GABRG3: variants seen among roughly 807,000 people sequenced by gnomAD.
The protein encoded by GABRG3 is gamma-aminobutyric acid receptor subunit gamma-3.
In GABRG3, 25 loss-of-function variants were observed where a neutral mutation model predicts 48.8. The ratio of observed to expected loss-of-function variants is 0.51; its 90% confidence interval spans 0.37 to 0.72. GABRG3 has a LOEUF of 0.72. Among genes scored for constraint, GABRG3 ranks in the 30% least tolerant of loss-of-function variants. The pLI is 0.00. For missense variants in GABRG3, 394 were observed against 577.9 expected, an observed-to-expected ratio of 0.68 and a Z score of 3.26; for synonymous variants, 227 against 217.6, an observed-to-expected ratio of 1.04 and a Z score of -0.38.
chr15:27,327,854 T>C (rs1433511651), intron 4 of GABRG3, among the ~76,000 whole-genome samples: 1 of 152,158 alleles, frequency 6.6e-6, no homozygotes, highest in Non-Finnish European at 1.5e-5. Flanking sequence ...CTCTGCTCTT[T>C]CTGCCTCAGG....
chr15:27,498,788 G>A (rs1391516695), intron 6 of GABRG3, among the ~76,000 whole-genome samples: 1 of 151,992 alleles, frequency 6.6e-6, no homozygotes, highest in African/African-American at 2.4e-5. Flanking sequence ...TTACAGGTGT[G>A]AGCCACCACG....
chr15:27,130,488 A>G (rs1371754566), intron 3 of GABRG3, among the ~76,000 whole-genome samples: 1 of 151,970 alleles, frequency 6.6e-6, no homozygotes, highest in Non-Finnish European at 1.5e-5. Flanking sequence ...GAGACCCCCA[A>G]CTTTGTTCTT....
rs575044017 is a variant in GABRG3 at position 27,267,992 on chromosome 15, G to T, written c.271-58817G>T. On this transcript the variant is annotated intron_variant, in intron 3 of 9. Transcript: ENST00000615808. ...TATCCCCAGTGAGGTATATTGCTCT[G>T]TAGTTTTCTTTTCTTGCAATGTCAT... Among the ~76,000 whole-genome samples, 12 of 152,148 alleles carry T rather than the reference G, an allele frequency of 7.9e-5. 1 individual carries two copies. The East Asian group carries it at 1.5e-3, about 20-fold the overall frequency.
In GABRG3 at chr15:27,133,606, T is replaced by G. The variant is rs73371676; in HGVS notation, c.270+106785T>G. ...TATACTGACAAAAGGCTAGTTGCTCTGCTTCCAAGTATTTAATTTGCTTTC... is the reference window on the plus strand; with the variant it reads ...TATACTGACAAAAGGCTAGTTGCTCGGCTTCCAAGTATTTAATTTGCTTTC... On this transcript the variant is annotated intron_variant, in intron 3 of 9. Coordinates refer to ENST00000615808, the MANE Select transcript of GABRG3 (RefSeq NM_033223.5). Among the ~76,000 whole-genome samples the G allele has an allele frequency of 5.6e-3, 846 of 152,390 alleles. 10 individuals carry two copies. Among genetic ancestry groups the G allele is most frequent in the African/African-American group, 0.019 (795 of 41,598 alleles).
At chr15:27,254,825 G>GA (rs1489352994) in intron 3 of GABRG3, among the ~76,000 whole-genome samples, 2 of 152,120 alleles carry the variant, frequency 1.3e-5, no homozygotes, top group Non-Finnish European at 2.9e-5. Flanking sequence ...CAGTTGGGTA[G>GA]GCACAAAGTC....
chr15:27,335,217 T>G (rs73365218), intron 5 of GABRG3, among the ~76,000 whole-genome samples: 3 of 152,218 alleles, frequency 2.0e-5, no homozygotes, highest in Admixed American at 2.0e-4. Flanking sequence ...CAAGACCCTG[T>G]TTGAGTCCCA....
At chr15:27,463,877 A>G (rs531700125) in intron 5 of GABRG3, among the ~76,000 whole-genome samples, 1 of 152,286 alleles carries the variant, frequency 6.6e-6, no homozygotes, top group South Asian at 2.1e-4. Context: ...CTCTTCTCTC[A>G]GGGAGTGGGC....
rs1450048899 is a variant in GABRG3, at chr15:27,534,444, C to T, written c.*1563C>T. On this transcript the variant is annotated 3_prime_UTR_variant, in exon 10 of 10. Coordinates refer to ENST00000615808, the MANE Select transcript of GABRG3 (RefSeq NM_033223.5). ...GCAGAAGACTGTTTTGAAACTTCTCCTCACCAATAGGCAAAACACAAGTCC... is the reference window on the plus strand; with the variant it reads ...GCAGAAGACTGTTTTGAAACTTCTCTTCACCAATAGGCAAAACACAAGTCC... 1.3e-5 allele frequency: 2 copies of T among 152,160 alleles called. No individual in the cohort carries two copies. Among genetic ancestry groups the T allele is most frequent in the Admixed American group, 1.3e-4 (2 of 15,276 alleles). 9.4% of individuals were successfully genotyped at this position (152,160 alleles called of 1,614,324 possible).
intron 2 of GABRG3, among the ~76,000 whole-genome samples, chr15:27,009,518 C>A (rs1895647865): frequency 6.6e-6 from 1 of 152,142 alleles, no homozygotes; most frequent in African/African-American, 2.4e-5. Flanking sequence ...AGAAAGGTTT[C>A]CAGTATTTTT....
chr15:27,303,429 A>C (rs1014689009), intron 3 of GABRG3, among the ~76,000 whole-genome samples: 1 of 151,818 alleles, frequency 6.6e-6, no homozygotes, highest in Non-Finnish European at 1.5e-5. Flanking sequence ...TGGTCTTATG[A>C]CCATTAAAGT....
At chr15:27,444,506 T>C (rs941327875) in intron 5 of GABRG3, among the ~76,000 whole-genome samples, 3 of 152,182 alleles carry the variant, frequency 2.0e-5, no homozygotes, top group African/African-American at 7.2e-5. Flanking sequence ...GACTTCGAAG[T>C]TTCTGTATCT....
chr15:27,086,315 C>CA (rs1290452140), intron 3 of GABRG3, among the ~76,000 whole-genome samples: 1 of 151,280 alleles, frequency 6.6e-6, no homozygotes, highest in Non-Finnish European at 1.5e-5. Flanking sequence ...CAGAGCAGGT[C>CA]AGAGTTCTGC....
chr15:27,063,069 A>G lies in GABRG3; in HGVS notation c.270+36248A>G, dbSNP rs916070099. On this transcript the variant is annotated intron_variant, in intron 3 of 9. Transcript: ENST00000615808. ...GACGCGTGATGCGTTTTCCCCCCCA[A>G]TGAGGAATGAGCTCAAAGGATGAAA... Among the ~76,000 whole-genome samples, 3 of 152,114 alleles carry G rather than the reference A, an allele frequency of 2.0e-5. No individual in the cohort carries two copies. In the South Asian group the frequency reaches 6.2e-4, roughly 32 times the overall value.
intron 2 of GABRG3, among the ~76,000 whole-genome samples, chr15:26,984,907 C>A (rs1383581267): frequency 2.6e-5 from 4 of 152,198 alleles, no homozygotes; most frequent in African/African-American, 9.7e-5. Flanking sequence ...GAGTCCTGGG[C>A]AACGCTGACT....
At chr15:27,186,327 C>G (rs1167467812) in intron 3 of GABRG3, among the ~76,000 whole-genome samples, 1 of 152,090 alleles carries the variant, frequency 6.6e-6, no homozygotes. Context: ...CCATGTTGTT[C>G]AAGGGACATG....
At chr15:27,071,860 C>A (rs571402425) in intron 3 of GABRG3, among the ~76,000 whole-genome samples, 8 of 152,176 alleles carry the variant, frequency 5.3e-5, no homozygotes, top group Non-Finnish European at 8.8e-5. Context: ...TTCTGGTGAG[C>A]AGTTATTACT....
chr15:27,505,529 C>CA lies in GABRG3; in HGVS notation c.713-14437dup, dbSNP rs535506600. ...ATTATAAATGGATGTTTCAATTTAT[C>CA]AAAAAATTTGTTTACATTTTCTGAA... On this transcript the variant is annotated intron_variant, in intron 6 of 9. Coordinates refer to ENST00000615808, the MANE Select transcript of GABRG3 (RefSeq NM_033223.5). 4.5e-4 allele frequency among the ~76,000 whole-genome samples: 69 copies of CA among 152,142 alleles called. 1 individual carries two copies. Among genetic ancestry groups the CA allele is most frequent in the African/African-American group, 1.4e-3 (60 of 41,538 alleles).
At chr15:27,251,626 C>T (rs530899507) in intron 3 of GABRG3, among the ~76,000 whole-genome samples, 2 of 152,176 alleles carry the variant, frequency 1.3e-5, no homozygotes, top group Non-Finnish European at 2.9e-5. Context: ...TTATGTAGTG[C>T]ACCCTAAGTT....
intron 3 of GABRG3, among the ~76,000 whole-genome samples, chr15:27,290,012 C>T (rs1891745090): frequency 6.6e-6 from 1 of 152,100 alleles, no homozygotes. Context: ...AGAGCTGATT[C>T]TGTCACTGGA....
Sources: allele counts gnomAD v4.1 joint callset (sites outside exome capture counted in the v4.1 genomes callset), GRCh38; gene constraint gnomAD v4.1.1; transcripts MANE v1.5; gene names NCBI Gene and HGNC (gene_info 2026-07-23, HGNC 2026-07-21).